Variants in PDZD2 observed in about 807,000 individuals in gnomAD.
PDZD2 encodes the protein PDZ domain containing 2.
A neutral mutation model predicts 220.7 loss-of-function variants in PDZD2; 90 were observed. The ratio of observed to expected loss-of-function variants is 0.41; its 90% CI spans 0.34 to 0.49. PDZD2 has a LOEUF of 0.49. Among genes scored for constraint, PDZD2 ranks in the 20% least tolerant of loss-of-function variants. PDZD2 has a pLI of 0.28. For missense variants in PDZD2, 3,174 were observed against 3,608.5 expected (o/e 0.88, Z 3.08); for synonymous variants, 1,375 against 1,450.5 (o/e 0.95, Z 1.18).
At chr5:31,906,478 A>C (rs1039721594) in intron 2 of PDZD2, among the ~76,000 whole-genome samples, 1 of 151,732 alleles carries the variant, frequency 6.6e-6, no homozygotes, top group African/African-American at 2.4e-5. Context: ...CCATAGTGTG[A>C]GGATTACAGG....
In PDZD2 at chr5:32,010,397, A is replaced by G; in HGVS notation, c.1322A>G (p.Glu441Gly). 1 of 1,612,336 alleles carries G rather than the reference A, an allele frequency of 6.2e-7. No individual in the cohort carries two copies. The highest frequency in any genetic ancestry group is 2.2e-5 in the East Asian group (1 of 44,854). The change falls in exon 6 of 25, where the codon GAA (glutamate) becomes GGA (glycine). Residue 441 changes from glutamate to glycine, a missense_variant. By Grantham distance (98) the Glu-to-Gly change is moderately conservative. This residue lies in a region of PDZD2 where 632 missense variants were observed against 708.1 expected (regional missense o/e 0.89). Transcript: ENST00000438447. ...KSLPDLTSSVEDVSSWTDNED... is the reference protein window; with the variant it reads ...KSLPDLTSSVGDVSSWTDNED... ...TTGCCAGATCTGACCAGCTCGGTAGAAGATGTGTCCTCCTGGACTGATAAC... is the reference window on the plus strand; with the variant it reads ...TTGCCAGATCTGACCAGCTCGGTAGGAGATGTGTCCTCCTGGACTGATAAC...
intron 1 of PDZD2, among the ~76,000 whole-genome samples, chr5:31,654,454 C>T (rs1020441572): frequency 1.3e-5 from 2 of 152,066 alleles, no homozygotes; most frequent in African/African-American, 2.4e-5. Flanking sequence ...TTCCTGTCTG[C>T]GATGTCTGTC....
intron 23 of PDZD2, chr5:32,100,583 C>T (rs892674052): frequency 2.7e-5 from 9 of 338,018 alleles, no homozygotes; most frequent in African/African-American, 6.5e-5. Context: ...GTGGCAGGAG[C>T]GGGGAGGCAG....
intron 1 of PDZD2, among the ~76,000 whole-genome samples, chr5:31,733,999 A>G: frequency 6.6e-6 from 1 of 152,294 alleles, no homozygotes. Flanking sequence ...AGATACCAAT[A>G]TGAAGTCCCA....
intron 19 of PDZD2, among the ~76,000 whole-genome samples, chr5:32,082,026 T>G (rs1742006108): frequency 1.3e-5 from 1 of 78,806 alleles, no homozygotes; most frequent in South Asian, 9.6e-4. Flanking sequence ...CATATCTTTG[T>G]TTTTTTTTTT....
intron 2 of PDZD2, among the ~76,000 whole-genome samples, chr5:31,852,195 A>G (rs1044027788): frequency 1.3e-5 from 2 of 152,084 alleles, no homozygotes; most frequent in African/African-American, 4.8e-5. Context: ...CGTGCCCCAG[A>G]CTGAGCTGAG....
chr5:31,842,344 T>C (rs1484737230), intron 2 of PDZD2, among the ~76,000 whole-genome samples: 1 of 152,222 alleles, frequency 6.6e-6, no homozygotes, highest in Non-Finnish European at 1.5e-5. Context: ...TTATCCCCAG[T>C]TACAGACGAG....
At chr5:32,043,552 A>G (rs190700187) in intron 7 of PDZD2, among the ~76,000 whole-genome samples, 3 of 152,252 alleles carry the variant, frequency 2.0e-5, no homozygotes, top group South Asian at 2.1e-4. Context: ...TGCATATGGC[A>G]CTACCACTCC....
chr5:31,736,967 G>GTAAAA (rs60134227), intron 1 of PDZD2, among the ~76,000 whole-genome samples: 1 of 151,716 alleles, frequency 6.6e-6, no homozygotes, highest in Non-Finnish European at 1.5e-5. Context: ...TCCACCATGA[G>GTAAAA]GCCTCCCCAG....
intron 6 of PDZD2, among the ~76,000 whole-genome samples, chr5:32,031,992 A>G (rs1755158127): frequency 1.3e-5 from 2 of 152,360 alleles, no homozygotes; most frequent in African/African-American, 4.8e-5. Flanking sequence ...TAGTTTATAC[A>G]TTGAGCAGAA....
intron 2 of PDZD2, among the ~76,000 whole-genome samples, chr5:31,915,599 T>C (rs1439361630): frequency 6.6e-6 from 1 of 152,188 alleles, no homozygotes; most frequent in African/African-American, 2.4e-5. Flanking sequence ...ATTTGCTCTA[T>C]ATACAGGCCA....
intron 1 of PDZD2, among the ~76,000 whole-genome samples, chr5:31,792,637 C>T (rs1392767414): frequency 6.6e-6 from 1 of 151,882 alleles, no homozygotes. Flanking sequence ...AGGCTGATCT[C>T]GAGTTTCTGA....
intron 5 of PDZD2, among the ~76,000 whole-genome samples, chr5:32,007,112 G>A (rs574391604): frequency 1.3e-5 from 2 of 151,790 alleles, no homozygotes; most frequent in African/African-American, 4.8e-5. Flanking sequence ...TAGAGACGGG[G>A]TTTCACTGTG....
intron 6 of PDZD2, among the ~76,000 whole-genome samples, chr5:32,030,212 T>C (rs948019390): frequency 1.3e-5 from 2 of 152,232 alleles, no homozygotes; most frequent in Non-Finnish European, 2.9e-5. Flanking sequence ...GGCATGGAAG[T>C]GCTTAGACTG....
intron 14 of PDZD2, among the ~76,000 whole-genome samples, chr5:32,065,286 G>T (rs1581408360): frequency 6.6e-6 from 1 of 152,090 alleles, no homozygotes; most frequent in South Asian, 2.1e-4. Flanking sequence ...GCCACACAGC[G>T]AGACTTTGTC....
intron 1 of PDZD2, among the ~76,000 whole-genome samples, chr5:31,767,791 C>T (rs1196894670): frequency 2.0e-5 from 3 of 152,204 alleles, no homozygotes; most frequent in Non-Finnish European, 4.4e-5. Context: ...AGGTTCCTGG[C>T]CTGTCCCTAG....
At chr5:31,937,089 A>G (rs1270596476) in intron 2 of PDZD2, among the ~76,000 whole-genome samples, 1 of 152,200 alleles carries the variant, frequency 6.6e-6, no homozygotes, top group East Asian at 1.9e-4. Context: ...TTTGATTCCC[A>G]TGATTGTAGC....
chr5:32,012,541 G>T (rs1047271488), intron 6 of PDZD2, among the ~76,000 whole-genome samples: 1 of 151,608 alleles, frequency 6.6e-6, no homozygotes, highest in African/African-American at 2.4e-5. Context: ...ACGCCACCGC[G>T]CTTGGCTAAT....
At chr5:31,768,343 A>G (rs1272702174) in intron 1 of PDZD2, among the ~76,000 whole-genome samples, 2 of 152,076 alleles carry the variant, frequency 1.3e-5, no homozygotes, top group Non-Finnish European at 2.9e-5. Context: ...GGCTTCAGGG[A>G]TTAGAACCGA....
Sources: gnomAD v4.1 joint callset for allele counts (sites outside exome capture counted in the v4.1 genomes callset) on GRCh38, gnomAD v4.1.1 for gene constraint, gnomAD v4.1.1 regional missense constraint, MANE v1.5 for transcripts, NCBI Gene and HGNC (gene_info 2026-07-23, HGNC 2026-07-21) for gene names.